The following EDA variants were observed in gnomAD, a reference collection of about 807,000 sequenced individuals.
EDA encodes the protein ectodysplasin-A.
A neutral mutation model predicts 23.6 loss-of-function variants in EDA; 2 were observed. The observed-to-expected ratio is 0.08, with a 90% CI of 0.03 to 0.27. The LOEUF (loss-of-function observed/expected upper bound fraction) is 0.27, where lower values mean the gene tolerates loss of function less well. Ranked by LOEUF, EDA falls within the 10% of genes least tolerant of loss-of-function variation. The probability of loss-of-function intolerance (pLI) is 1.00; values close to 1 mark genes in which losing one functional copy is unlikely to be tolerated. For synonymous variants in EDA, 131 were observed against 132.0 expected, an observed-to-expected ratio of 0.99 and a Z score of 0.05; for missense variants, 229 against 324.2, an observed-to-expected ratio of 0.71 and a Z score of 2.26.
chrX:69,673,748 G>A (rs1933987080), intron 1 of EDA, among the ~76,000 whole-genome samples: 1 of 111,404 alleles, frequency 9.0e-6, no homozygotes, highest in South Asian at 3.8e-4. Context: ...CTTAGGTGGA[G>A]GATGGGGTCT....
At chrX:69,616,836 C>T in intron 1 of EDA, 132 bp downstream of exon 1, 2 of 905,508 alleles carry the variant, frequency 2.2e-6, no homozygotes, top group Non-Finnish European at 3.1e-6. Context: ...AGGGACCAGG[C>T]GAGCAAGGGA....
In EDA at chrX:69,904,595, C is replaced by T. The variant is rs746376066; in HGVS notation, c.397-52432C>T. ...AAACTCCTGGACTTAAGTGATCTTC[C>T]CACTTCGGCCTTCCGAAGTGTTGGG... On this transcript the variant is annotated intron_variant, in intron 1 of 7. Coordinates refer to ENST00000374552, the MANE Select transcript of EDA (RefSeq NM_001399.5). 4.5e-5 allele frequency among the ~76,000 whole-genome samples: 5 copies of T among 112,187 alleles called. No individual in the cohort carries two copies. In the South Asian group the frequency reaches 1.9e-3, roughly 42 times the overall value.
intron 2 of EDA, among the ~76,000 whole-genome samples, chrX:69,961,166 G>A (rs2019096685): frequency 9.0e-6 from 1 of 111,698 alleles, no homozygotes; most frequent in Non-Finnish European, 1.9e-5. Flanking sequence ...GTAGAGACTG[G>A]GTTTCACTAT....
At chrX:69,654,258 C>T (rs1468740216) in intron 1 of EDA, among the ~76,000 whole-genome samples, 4 of 111,756 alleles carry the variant, frequency 3.6e-5, no homozygotes, top group African/African-American at 9.8e-5. Flanking sequence ...TACCATCTCA[C>T]ACCAGTTAGA....
Position 69,660,058 on chromosome X carries a change from T to C in EDA, c.396+43354T>C, listed in dbSNP as rs1933436645. 3.6e-5 allele frequency among the ~76,000 whole-genome samples: 4 copies of C among 111,606 alleles called. No homozygotes were observed. In the South Asian group the frequency reaches 1.5e-3, roughly 43 times the overall value. On this transcript the variant is annotated intron_variant, in intron 1 of 7. Transcript: ENST00000374552. Reference sequence around the variant, plus strand: ...CCACCGACCATAACATTTGTGCTGGTAATAGGTTTAATACGTGTTTCCAAG... The same window carrying C: ...CCACCGACCATAACATTTGTGCTGGCAATAGGTTTAATACGTGTTTCCAAG...
intron 1 of EDA, among the ~76,000 whole-genome samples, chrX:69,758,555 C>T (rs1353204297): frequency 8.9e-6 from 1 of 112,436 alleles, no homozygotes; most frequent in Non-Finnish European, 1.9e-5. Flanking sequence ...GTTTGAAGGC[C>T]AGGCGTGGTG....
rs3193393 is a variant in EDA at position 69,616,294 on chromosome X, G to A, written c.-15G>A. The A allele has an allele frequency of 3.4e-6, 4 of 1,176,863 alleles. No individual in the cohort carries two copies. Among genetic ancestry groups the A allele is most frequent in the Non-Finnish European group, 4.5e-6 (4 of 882,922 alleles). On this transcript the variant is annotated 5_prime_UTR_variant, in exon 1 of 8. In the 5' UTR this introduces an upstream ATG that the reference lacks. Coordinates refer to ENST00000374552, the MANE Select transcript of EDA (RefSeq NM_001399.5). ...CGGCTCCCGGGCCTCAAGAGAGTGGGTGTCTCCGGAGGCCATGGGCTACCC... is the reference window on the plus strand; with the variant it reads ...CGGCTCCCGGGCCTCAAGAGAGTGGATGTCTCCGGAGGCCATGGGCTACCC...
intron 2 of EDA, among the ~76,000 whole-genome samples, chrX:69,975,466 G>A (rs1050105573): frequency 2.7e-5 from 3 of 110,084 alleles, no homozygotes; most frequent in African/African-American, 9.9e-5. Context: ...GACTACATGT[G>A]GAGGGAGGGA....
chrX:69,988,042 G>A (rs1156677021), intron 2 of EDA, among the ~76,000 whole-genome samples: 1 of 112,160 alleles, frequency 8.9e-6, no homozygotes, highest in Non-Finnish European at 1.9e-5. Context: ...TGCCCAATGG[G>A]GGTAAGAGGT....
At chrX:69,833,446 A>G (rs1367829633) in intron 1 of EDA, among the ~76,000 whole-genome samples, 2 of 109,789 alleles carry the variant, frequency 1.8e-5, no homozygotes, top group Non-Finnish European at 3.8e-5. Context: ...TTGCCATTAT[A>G]TTATTGAGGA....
In EDA at chrX:69,865,066, A is replaced by C. The variant is rs909911318; in HGVS notation, c.397-91961A>C. 1.8e-4 allele frequency among the ~76,000 whole-genome samples: 20 copies of C among 110,715 alleles called. No individual in the cohort carries two copies. In the Admixed American group the frequency reaches 1.9e-3, roughly 10 times the overall value. ...ATAGCATAAATAAAAAACAATCACA[A>C]CTTCTGGAAATCAAGGACACAGAGA... On this transcript the variant is annotated intron_variant, in intron 1 of 7. Transcript: ENST00000374552.
chrX:69,716,964 G>T (rs2804335), intron 1 of EDA, among the ~76,000 whole-genome samples: 1 of 110,190 alleles, frequency 9.1e-6, no homozygotes, highest in Non-Finnish European at 1.9e-5. Context: ...AGGAGCTTTT[G>T]GGCCAAGACT....
chrX:69,732,326 C>T (rs1000177472), intron 1 of EDA, among the ~76,000 whole-genome samples: 1 of 111,471 alleles, frequency 9.0e-6, no homozygotes, highest in Admixed American at 9.6e-5. Context: ...TTTCAATTCC[C>T]ACCTATGAGT....
At chrX:69,692,156 C>G (rs7055210) in intron 1 of EDA, among the ~76,000 whole-genome samples, 1,555 of 111,708 alleles carry the variant, frequency 0.014, 20 homozygotes, top group African/African-American at 0.046. Context: ...TGGTACCTCA[C>G]TTCACATGTG....
At position 69,929,706 on chromosome X, in the gene EDA, T is replaced by TGTGTGTGTG. The variant is rs373930590; in HGVS notation, c.397-27321_397-27320insGTGTGTGTG. Among the ~76,000 whole-genome samples, 434 of 84,332 alleles carry TGTGTGTGTG rather than the reference T, an allele frequency of 5.1e-3. 19 individuals are homozygous for TGTGTGTGTG. The highest frequency in any genetic ancestry group is 0.042 in the East Asian group (106 of 2,547). 73.2% of individuals were successfully genotyped at this position (84,332 alleles called of 115,157 possible). Reference sequence around the variant, plus strand: ...GAAAACACTTCACTTCATTCTATTTTTGTGTGTGTGTGTGTGTGTGTGTGT... The same window carrying TGTGTGTGTG: ...GAAAACACTTCACTTCATTCTATTTTGTGTGTGTGTGTGTGTGTGTGTGTGTGTGTGTGT... On this transcript the variant is annotated intron_variant, in intron 1 of 7. Transcript: ENST00000374552.
rs774753472 is a variant in EDA, at chrX:69,855,574, C to CT, written c.397-101447dup. ...CAGCACCATTTATTGAATAAGGAGT[C>CT]TTTTTTCCATTGCTTATTTTTGTCA... On this transcript the variant is annotated intron_variant, in intron 1 of 7. Coordinates refer to ENST00000374552, the MANE Select transcript of EDA (RefSeq NM_001399.5). Among the ~76,000 whole-genome samples, 4 of 111,712 alleles carry CT rather than the reference C, an allele frequency of 3.6e-5. No homozygotes were observed. The South Asian group carries it at 1.5e-3, about 42-fold the overall frequency.
At chrX:69,669,751 G>C (rs1394522176) in intron 1 of EDA, among the ~76,000 whole-genome samples, 1 of 109,996 alleles carries the variant, frequency 9.1e-6, no homozygotes, top group Non-Finnish European at 1.9e-5. Context: ...TGAGGTTTGG[G>C]GTATGAATGA....
At chrX:70,006,325 T>C (rs961503806) in intron 2 of EDA, among the ~76,000 whole-genome samples, 6 of 112,303 alleles carry the variant, frequency 5.3e-5, no homozygotes, top group African/African-American at 1.9e-4. Context: ...GGCTGTAACA[T>C]TTTGCATTCC....
intron 1 of EDA, among the ~76,000 whole-genome samples, chrX:69,906,557 A>T (rs1176394177): frequency 8.9e-6 from 1 of 111,942 alleles, no homozygotes; most frequent in Non-Finnish European, 1.9e-5. Context: ...TTCGAATTGG[A>T]TTTTGTGAAG....
Sources: gnomAD v4.1 joint callset for allele counts (sites outside exome capture counted in the v4.1 genomes callset) on GRCh38, gnomAD v4.1.1 for gene constraint, MANE v1.5 for transcripts, NCBI Gene and HGNC (gene_info 2026-07-23, HGNC 2026-07-21) for gene names.